PLG: variants seen among roughly 807,000 people sequenced by gnomAD.
The protein encoded by PLG is plasmin.
PLG carries 41 observed loss-of-function variants against 104.4 expected under a neutral mutation model. The observed-to-expected ratio is 0.39, with a 90% confidence interval of 0.31 to 0.51. PLG has a LOEUF of 0.51. Ranked by LOEUF, PLG falls within the 20% of genes least tolerant of loss-of-function variation. PLG has a pLI of 0.76. For missense variants in PLG, 891 were observed against 1,003.6 expected (o/e 0.89, Z 1.52); for synonymous variants, 337 against 357.1 (o/e 0.94, Z 0.63).
At chr6:160,748,447 G>GAAAGAAAGAAAACGAAAGAAA (rs1491160827) in intron 17 of PLG, among the ~76,000 whole-genome samples, 1 of 36,020 alleles carries the variant, frequency 2.8e-5, no homozygotes, top group Non-Finnish European at 5.1e-5. Flanking sequence ...AAAGAAGGGA[G>GAAAGAAAGAAAACGAAAGAAA]GGAGGGAGGG....
Position 160,725,818 on chromosome 6 carries a change from TC to T in PLG, c.1256+3254del, listed in dbSNP as rs1307649609. On this transcript the variant is annotated intron_variant, in intron 10 of 18. Transcript: ENST00000308192. The surrounding 1 kb of genome is among the most constrained non-coding windows in gnomAD (Gnocchi z 6.3). ...AAGAAAGCTGGAGTGGTAATGTTAATCCCAAAGTAATCTACAAGAAATAATA... is the reference window on the plus strand; with the variant it reads ...AAGAAAGCTGGAGTGGTAATGTTAATCCAAAGTAATCTACAAGAAATAATA... 3.9e-5 allele frequency among the ~76,000 whole-genome samples: 6 copies of T among 152,102 alleles called. No homozygotes were observed. The highest frequency in any genetic ancestry group is 1.4e-4 in the African/African-American group (6 of 41,426).
Position 160,706,456 on chromosome 6 carries a change from G to T in PLG, c.99G>T (p.Leu33=), listed in dbSNP as rs140570408. 6 of 1,613,666 alleles carry T rather than the reference G, an allele frequency of 3.7e-6. No individual in the cohort carries two copies. The African/African-American group carries it at 5.3e-5, about 14-fold the overall frequency. Residue 33 remains leucine (L), a synonymous_variant, in exon 2 of 19, where the codon CTG becomes CTT. Transcript: ENST00000308192. Reference sequence around the variant, plus strand: ...ATGTGAATACCCAGGGGGCTTCACTGTTCAGTGTCACTAAGAAGCAGCTGG... The same window carrying T: ...ATGTGAATACCCAGGGGGCTTCACTTTTCAGTGTCACTAAGAAGCAGCTGG... ...DDYVNTQGAS[L]FSVTKKQLGA...
chr6:160,713,223 A>G (rs1777675410), intron 5 of PLG, 98 bp downstream of exon 5: 1 of 974,384 alleles, frequency 1.0e-6, no homozygotes, highest in Non-Finnish European at 1.7e-6. Flanking sequence ...TTAATAATTG[A>G]GTAACGTATT....
At position 160,735,538 on chromosome 6, in the gene PLG, G is replaced by A. The variant is rs1341438566; in HGVS notation, c.1682-1349G>A. ...CTAACCTTGATGTGAGACAAGTGAG[G>A]TTAACCCCAAGCCTGGTGAGAAGCG... On this transcript the variant is annotated intron_variant, in intron 13 of 18. Transcript: ENST00000308192. This position sits in a 1 kb window ranked among gnomAD's most constrained non-coding sequence, Gnocchi z 5.4. Among the ~76,000 whole-genome samples the A allele has an allele frequency of 1.3e-5, 2 of 152,206 alleles. No individual in the cohort carries two copies. Among genetic ancestry groups the A allele is most frequent in the Non-Finnish European group, 2.9e-5 (2 of 68,048 alleles).
In PLG at chr6:160,738,291, T is replaced by G; in HGVS notation, c.1803-247T>G. 1 of 511,250 alleles carries G rather than the reference T, an allele frequency of 2.0e-6. No homozygotes were observed. 31.7% of individuals were successfully genotyped at this position (511,250 alleles called of 1,614,324 possible). A position where few individuals can be genotyped will look rare whatever the true frequency, so the allele number is the denominator to read the frequency against. ...GCGGAGTTACTTAGCTTTGCTCTCC[T>G]GTGGACAGGCCATGCCTGTGCCTCC... On this transcript the variant is annotated intron_variant, in intron 14 of 18. Transcript: ENST00000308192. This position sits in a 1 kb window ranked among gnomAD's most constrained non-coding sequence, Gnocchi z 6.8.
chr6:160,727,933 A>G (rs1201351565), intron 10 of PLG, among the ~76,000 whole-genome samples: 2 of 151,970 alleles, frequency 1.3e-5, no homozygotes, highest in Non-Finnish European at 2.9e-5. Flanking sequence ...AACCATTGCC[A>G]TAAGACCTGA....
intron 17 of PLG, among the ~76,000 whole-genome samples, chr6:160,742,629 T>C (rs954912655): frequency 2.0e-5 from 3 of 152,126 alleles, no homozygotes; most frequent in African/African-American, 4.8e-5. Context: ...AGTTTCTTTT[T>C]CTGTCCAGAA....
At position 160,711,276 on chromosome 6, in the gene PLG, T is replaced by C. The variant is rs1445822494; in HGVS notation, c.407+85T>C. On this transcript the variant is annotated intron_variant, in intron 4 of 18. Transcript: ENST00000308192. Reference sequence around the variant, plus strand: ...TGAGGGATTGGTTCCAGGACCCCTGTGGCTACCAAAATCCATGCTTCTCAA... The same window carrying C: ...TGAGGGATTGGTTCCAGGACCCCTGCGGCTACCAAAATCCATGCTTCTCAA... The C allele has an allele frequency of 1.5e-5, 19 of 1,254,072 alleles. No individual in the cohort carries two copies. The Admixed American group carries it at 3.2e-4, about 21-fold the overall frequency. 77.7% of individuals were successfully genotyped at this position (1,254,072 alleles called of 1,614,324 possible). A position where few individuals can be genotyped will look rare whatever the true frequency, so the allele number is the denominator to read the frequency against.
rs1778439510 is a variant in PLG at position 160,753,249 on chromosome 6, T to C, written c.*188T>C. On this transcript the variant is annotated 3_prime_UTR_variant, in exon 19 of 19. Transcript: ENST00000308192. This position sits in a 1 kb window ranked among gnomAD's most constrained non-coding sequence, Gnocchi z 5.4. The stretch of plus-strand genomic sequence containing the variant: ...ATTCTGTAGTAAGGTGACATAGCTA[T>C]GACATTTGTTAAAAATAAACTCTGT... The C allele has an allele frequency of 1.7e-6, 1 of 593,342 alleles. No homozygotes were observed. The highest frequency in any genetic ancestry group is 2.0e-5 in the South Asian group (1 of 50,116). 36.8% of individuals were successfully genotyped at this position (593,342 alleles called of 1,614,324 possible).
chr6:160,751,316 C>T (rs1778395919), intron 17 of PLG, among the ~76,000 whole-genome samples: 1 of 152,194 alleles, frequency 6.6e-6, no homozygotes, highest in South Asian at 2.1e-4. Context: ...ACTCCACAGA[C>T]CCAGGCTCAG....
chr6:160,746,624 C>G (rs116536050), intron 17 of PLG, among the ~76,000 whole-genome samples: 3,055 of 152,268 alleles, frequency 0.02, 119 homozygotes, highest in African/African-American at 0.07. Flanking sequence ...GTCTGAATTC[C>G]AGTTCTATCA....
In PLG at chr6:160,734,892, G is replaced by GT. The variant is rs1362869903; in HGVS notation, c.1681+805dup. ...GGTTGCTTGTGGTTGGGTCTGCCAT[G>GT]TGGAGGGACCTTGAGCTGGGGGAAG... On this transcript the variant is annotated intron_variant, in intron 13 of 18. Transcript: ENST00000308192. This position sits in a 1 kb window ranked among gnomAD's most constrained non-coding sequence, Gnocchi z 4.4. Among the ~76,000 whole-genome samples the GT allele has an allele frequency of 1.3e-5, 2 of 152,162 alleles. No individual in the cohort carries two copies. Among genetic ancestry groups the GT allele is most frequent in the Non-Finnish European group, 2.9e-5 (2 of 68,044 alleles).
intron 6 of PLG, among the ~76,000 whole-genome samples, chr6:160,715,531 T>C (rs1196306366): frequency 1.3e-5 from 2 of 152,204 alleles, no homozygotes; most frequent in Admixed American, 1.3e-4. Context: ...GTCATGATGG[T>C]TCCTAGAATA....
chr6:160,711,196 G>C lies in PLG; in HGVS notation c.407+5G>C, dbSNP rs1299112239. On this transcript the variant is annotated splice_donor_5th_base_variant and intron_variant, in intron 4 of 18. Transcript: ENST00000308192. ...CACTTCTCCCCACAGACCTAGGTAA[G>C]ACATTCCCTTTCATCTTTGTGTTCA... The C allele has an allele frequency of 2.5e-6, 4 of 1,613,230 alleles. No homozygotes were observed. Among genetic ancestry groups the C allele is most frequent in the Non-Finnish European group, 2.5e-6 (3 of 1,179,294 alleles).
rs1935070438 is a variant in PLG at position 160,737,363 on chromosome 6, T to G, written c.1802+356T>G. Among the ~76,000 whole-genome samples, 1 of 152,120 alleles carries G rather than the reference T, an allele frequency of 6.6e-6. No homozygotes were observed. The highest frequency in any genetic ancestry group is 1.5e-5 in the Non-Finnish European group (1 of 68,018). On this transcript the variant is annotated intron_variant, in intron 14 of 18. Coordinates refer to ENST00000308192, the MANE Select transcript of PLG (RefSeq NM_000301.5). This position sits in a 1 kb window ranked among gnomAD's most constrained non-coding sequence, Gnocchi z 4.7. ...TTGTCAGATGAAAAGAGGGGGAAGT[T>G]TTTAGAAATGTGACACTTTCTGGGT... is the stretch of plus-strand genomic sequence containing the variant.
At chr6:160,717,713 A>G (rs1268178806) in intron 7 of PLG, among the ~76,000 whole-genome samples, 1 of 152,166 alleles carries the variant, frequency 6.6e-6, no homozygotes, top group Non-Finnish European at 1.5e-5. Flanking sequence ...GTTGATACTT[A>G]CCAGGTAGGA....
At chr6:160,721,605 C>T (rs1238167704) in intron 9 of PLG, among the ~76,000 whole-genome samples, 1 of 152,200 alleles carries the variant, frequency 6.6e-6, no homozygotes, top group Non-Finnish European at 1.5e-5. Context: ...GAGGAGATAT[C>T]TTCATACACA....
intron 17 of PLG, among the ~76,000 whole-genome samples, chr6:160,746,420 A>G (rs13206066): frequency 0.36 from 54,922 of 152,010 alleles, 10,252 homozygotes; most frequent in East Asian, 0.61. Flanking sequence ...TTATTTTGCT[A>G]TTAATACTTG....
At position 160,724,605 on chromosome 6, in the gene PLG, C is replaced by T. The variant is rs550133928; in HGVS notation, c.1256+2038C>T. On this transcript the variant is annotated intron_variant, in intron 10 of 18. Coordinates refer to ENST00000308192, the MANE Select transcript of PLG (RefSeq NM_000301.5). The surrounding 1 kb of genome is among the most constrained non-coding windows in gnomAD (Gnocchi z 5.0). ...CAGAAGAAGAAAATATATGTTTACA[C>T]AGAAGAATAGTGGTAAAAATGACTG... Among the ~76,000 whole-genome samples, 8 of 152,152 alleles carry T rather than the reference C, an allele frequency of 5.3e-5. No homozygotes were observed. Among genetic ancestry groups the T allele is most frequent in the African/African-American group, 1.9e-4 (8 of 41,544 alleles).
Sources: allele counts gnomAD v4.1 joint callset (sites outside exome capture counted in the v4.1 genomes callset), GRCh38; gene constraint gnomAD v4.1.1; non-coding constraint Gnocchi (gnomAD v3.1); transcripts MANE v1.5; gene names NCBI Gene and HGNC (gene_info 2026-07-23, HGNC 2026-07-21).